Variants in PTPRN2 observed in about 807,000 individuals in gnomAD.
PTPRN2 encodes receptor-type tyrosine-protein phosphatase N2.
In PTPRN2, 74 loss-of-function variants were observed where a neutral mutation model predicts 118.8. That is an observed-to-expected ratio of 0.62 (90% CI 0.52 to 0.76). PTPRN2 has a LOEUF of 0.76. Among genes scored for constraint, PTPRN2 ranks in the 30% least tolerant of loss-of-function variants. PTPRN2 has a pLI of 0.00. For missense variants in PTPRN2, 1,481 were observed against 1,394.4 expected (o/e 1.06, Z -0.99); for synonymous variants, 641 against 608.0 (o/e 1.05, Z -0.80).
intron 2 of PTPRN2, among the ~76,000 whole-genome samples, chr7:158,487,581 T>C (rs1215016558): frequency 1.7e-4 from 26 of 152,150 alleles, no homozygotes; most frequent in Admixed American, 1.7e-3. Context: ...TACACGTACC[T>C]TAAGAAAAGA....
chr7:158,367,633 T>C (rs1328464017), intron 2 of PTPRN2, among the ~76,000 whole-genome samples: 3 of 152,192 alleles, frequency 2.0e-5, no homozygotes, highest in African/African-American at 7.2e-5. Flanking sequence ...AGCCTCAGCA[T>C]TCTGTCCTTT....
At chr7:158,490,650 G>T (rs969263371) in intron 1 of PTPRN2, among the ~76,000 whole-genome samples, 3 of 152,274 alleles carry the variant, frequency 2.0e-5, no homozygotes, top group African/African-American at 7.2e-5. Context: ...CACTAGGCGG[G>T]AGTCGCACCG....
rs895845066 is a variant in PTPRN2, at chr7:157,690,576, C to T, written c.1789-7639G>A. The stretch of plus-strand genomic sequence containing the variant: ...CCTGCAGCTGGGCCGGCGCCCAGCG[C>T]CCGCGCGGGAGGAGGTGGGGGCGTG... On this transcript the variant is annotated intron_variant, in intron 12 of 22. Coordinates refer to ENST00000389418, the MANE Select transcript of PTPRN2 (RefSeq NM_002847.5). The surrounding 1 kb of genome is among the most constrained non-coding windows in gnomAD (Gnocchi z 7.1). Among the ~76,000 whole-genome samples the T allele has an allele frequency of 6.6e-6, 1 of 151,710 alleles. No homozygotes were observed. The highest frequency in any genetic ancestry group is 1.5e-5 in the Non-Finnish European group (1 of 67,890).
chr7:158,116,283 G>C (rs775864692), intron 9 of PTPRN2, among the ~76,000 whole-genome samples: 1 of 152,244 alleles, frequency 6.6e-6, no homozygotes, highest in Non-Finnish European at 1.5e-5. Context: ...GCATGAATTA[G>C]TTTTGGGAAG....
At chr7:157,630,169 C>G (rs1240751734) in intron 14 of PTPRN2, among the ~76,000 whole-genome samples, 1 of 152,176 alleles carries the variant, frequency 6.6e-6, no homozygotes, top group African/African-American at 2.4e-5. Context: ...GCTTCGGGAG[C>G]AGCAAACCCT....
chr7:157,803,897 A>C (rs1805471281), intron 12 of PTPRN2, among the ~76,000 whole-genome samples: 1 of 152,052 alleles, frequency 6.6e-6, no homozygotes, highest in African/African-American at 2.4e-5. Context: ...TGATGGCAAA[A>C]TATGTCAACT....
intron 21 of PTPRN2, among the ~76,000 whole-genome samples, chr7:157,556,289 CAG>C (rs1381321348): frequency 1.4e-5 from 2 of 139,348 alleles, no homozygotes; most frequent in Admixed American, 7.3e-5. Context: ...TGCACACACA[CAG>C]AGGCATGCAC....
At chr7:158,567,425 C>A (rs1827728694) in intron 1 of PTPRN2, among the ~76,000 whole-genome samples, 1 of 152,188 alleles carries the variant, frequency 6.6e-6, no homozygotes, top group African/African-American at 2.4e-5. Context: ...ATGATGCAAG[C>A]AGAGATTATT....
intron 2 of PTPRN2, among the ~76,000 whole-genome samples, chr7:158,474,798 G>A (rs1484959631): frequency 6.6e-6 from 1 of 152,128 alleles, no homozygotes; most frequent in African/African-American, 2.4e-5. Flanking sequence ...GAGTGGGGCT[G>A]CCCATGGCTT....
At chr7:158,532,713 C>T (rs1434329417) in intron 1 of PTPRN2, 1 of 534,344 alleles carries the variant, frequency 1.9e-6, no homozygotes, top group Non-Finnish European at 3.8e-6. Context: ...CAACAAAAAC[C>T]AGCAACAGGC....
chr7:158,253,737 G>A (rs1014505638), intron 3 of PTPRN2, among the ~76,000 whole-genome samples: 1 of 152,204 alleles, frequency 6.6e-6, no homozygotes, highest in Admixed American at 6.5e-5. Context: ...TGGTGAGGAA[G>A]GAAATTGAGA....
intron 12 of PTPRN2, among the ~76,000 whole-genome samples, chr7:157,713,045 G>A (rs1157975518): frequency 6.6e-6 from 1 of 152,230 alleles, no homozygotes; most frequent in East Asian, 1.9e-4. Context: ...CACAGAACGT[G>A]GCTGTGGGCG....
At chr7:157,926,514 T>C (rs1799003076) in intron 11 of PTPRN2, among the ~76,000 whole-genome samples, 1 of 152,224 alleles carries the variant, frequency 6.6e-6, no homozygotes, top group Non-Finnish European at 1.5e-5. Flanking sequence ...CAAGAAGGGA[T>C]TCTGGAGATC....
intron 12 of PTPRN2, among the ~76,000 whole-genome samples, chr7:157,719,415 G>A (rs112631130): frequency 0.013 from 1,996 of 152,358 alleles, 37 homozygotes; most frequent in East Asian, 0.039. Flanking sequence ...CAGCACTGCC[G>A]TCATGCGCTC....
Position 158,402,974 on chromosome 7 carries a change from G to A in PTPRN2, c.164-86042C>T, listed in dbSNP as rs1223695352. Among the ~76,000 whole-genome samples the A allele has an allele frequency of 3.9e-5, 6 of 152,334 alleles. No individual in the cohort carries two copies. The Middle Eastern group carries it at 0.01, about 259-fold the overall frequency. On this transcript the variant is annotated intron_variant, in intron 2 of 22. Coordinates refer to ENST00000389418, the MANE Select transcript of PTPRN2 (RefSeq NM_002847.5). ...CAGCAAAGGGACCCTTCCCAGAGCT[G>A]GCACTGAAAACCCATGAGCAGCCCC...
intron 1 of PTPRN2, among the ~76,000 whole-genome samples, chr7:158,535,857 A>T (rs1825611986): frequency 6.6e-6 from 1 of 151,030 alleles, no homozygotes. Flanking sequence ...TTTCTATAAA[A>T]TGTCTAAGTT....
intron 12 of PTPRN2, among the ~76,000 whole-genome samples, chr7:157,781,705 A>T (rs1803691639): frequency 6.6e-6 from 1 of 152,210 alleles, no homozygotes; most frequent in Non-Finnish European, 1.5e-5. Flanking sequence ...TCTTGCCCTC[A>T]GTCAAATCGT....
intron 12 of PTPRN2, among the ~76,000 whole-genome samples, chr7:157,821,822 A>T (rs1325072564): frequency 6.6e-6 from 1 of 151,930 alleles, no homozygotes; most frequent in Non-Finnish European, 1.5e-5. Context: ...GAATGATGAC[A>T]TAGGTTGTGG....
intron 12 of PTPRN2, among the ~76,000 whole-genome samples, chr7:157,712,683 G>A (rs1798704456): frequency 6.6e-6 from 1 of 151,374 alleles, no homozygotes; most frequent in Admixed American, 6.6e-5. Flanking sequence ...CGGAGGAGGT[G>A]GAGGTTGCGG....
Sources: gnomAD v4.1 joint callset for allele counts (sites outside exome capture counted in the v4.1 genomes callset) on GRCh38, gnomAD v4.1.1 for gene constraint, Gnocchi (gnomAD v3.1) non-coding constraint, MANE v1.5 for transcripts, NCBI Gene and HGNC (gene_info 2026-07-23, HGNC 2026-07-21) for gene names.